The following NLGN1 variants were observed in gnomAD, a reference collection of about 807,000 sequenced individuals.
The protein encoded by NLGN1 is neuroligin 1, also known as neuroligin-1.
NLGN1 carries 12 observed loss-of-function variants against 65.5 expected under a neutral mutation model. The ratio of observed to expected loss-of-function variants is 0.18; its 90% CI spans 0.12 to 0.30. The LOEUF is 0.30. Among genes scored for constraint, NLGN1 ranks in the 10% least tolerant of loss-of-function variants. NLGN1 has a pLI of 1.00. For synonymous variants in NLGN1, 350 were observed against 359.5 expected (o/e 0.97, Z 0.30); for missense variants, 750 against 1,007.1 (o/e 0.74, Z 3.46).
intron 4 of NLGN1, among the ~76,000 whole-genome samples, chr3:174,167,591 C>A (rs1727738800): frequency 7.3e-6 from 1 of 136,134 alleles, no homozygotes; most frequent in South Asian, 2.2e-4. Flanking sequence ...GTGATCTGCC[C>A]CCTTTTTTTT....
intron 2 of NLGN1, among the ~76,000 whole-genome samples, chr3:173,499,680 C>T (rs186335399): frequency 5.3e-5 from 8 of 151,424 alleles, no homozygotes; most frequent in African/African-American, 1.2e-4. Context: ...TTTCTTCCTA[C>T]CCATGAGCAT....
Position 173,741,922 on chromosome 3 carries a change from C to A in NLGN1, c.494-65758C>A, listed in dbSNP as rs568627315. ...AACAGAATGTGTTCATACACTGCGT[C>A]CCCGTAATGTACGCTCCTTTGTTGG... is the stretch of plus-strand genomic sequence containing the variant. On this transcript the variant is annotated intron_variant, in intron 3 of 6. Transcript: ENST00000457714. Among the ~76,000 whole-genome samples the A allele has an allele frequency of 5.3e-5, 8 of 152,264 alleles. No individual in the cohort carries two copies. The South Asian group carries it at 1.0e-3, about 20-fold the overall frequency.
At chr3:173,903,953 T>G (rs954357854) in intron 4 of NLGN1, among the ~76,000 whole-genome samples, 11 of 148,306 alleles carry the variant, frequency 7.4e-5, no homozygotes, top group Admixed American at 4.7e-4. Context: ...AAGGCTCTTC[T>G]TTTTTTTTTC....
intron 4 of NLGN1, among the ~76,000 whole-genome samples, chr3:174,265,288 G>T (rs556460633): frequency 1.3e-5 from 2 of 151,658 alleles, no homozygotes; most frequent in Non-Finnish European, 1.5e-5. Context: ...CCTCGCTGCC[G>T]CCTTGCAGTT....
intron 1 of NLGN1, among the ~76,000 whole-genome samples, chr3:173,398,854 A>T (rs1560197820): frequency 6.6e-6 from 1 of 152,222 alleles, no homozygotes; most frequent in Non-Finnish European, 1.5e-5. Flanking sequence ...GTCATGCTGT[A>T]CATGAAAATT....
intron 3 of NLGN1, among the ~76,000 whole-genome samples, chr3:173,726,278 T>A (rs1161437920): frequency 6.6e-6 from 1 of 151,812 alleles, no homozygotes; most frequent in African/African-American, 2.4e-5. Context: ...TCATCTTGGT[T>A]ATGAAATAAG....
chr3:173,429,982 A>C (rs1223971805), intron 1 of NLGN1, among the ~76,000 whole-genome samples: 4 of 152,164 alleles, frequency 2.6e-5, no homozygotes, highest in Admixed American at 2.6e-4. Flanking sequence ...CCTCTGCTTT[A>C]TGCCTCTAGT....
intron 4 of NLGN1, among the ~76,000 whole-genome samples, chr3:173,894,101 TACA>T (rs1300670190): frequency 2.0e-5 from 3 of 152,218 alleles, no homozygotes; most frequent in Non-Finnish European, 4.4e-5. Flanking sequence ...TTCTCTTTTA[TACA>T]ACTTGGGCTT....
At chr3:174,141,917 T>C (rs766621612) in intron 4 of NLGN1, among the ~76,000 whole-genome samples, 4 of 152,226 alleles carry the variant, frequency 2.6e-5, no homozygotes, top group Non-Finnish European at 5.9e-5. Flanking sequence ...ACTACATTTA[T>C]ATTATTTATT....
At chr3:173,629,740 C>T (rs1448924173) in intron 3 of NLGN1, among the ~76,000 whole-genome samples, 1 of 151,982 alleles carries the variant, frequency 6.6e-6, no homozygotes, top group Non-Finnish European at 1.5e-5. Flanking sequence ...AGCTCCTTGA[C>T]ACCTTGTTTA....
intron 1 of NLGN1, among the ~76,000 whole-genome samples, chr3:173,411,876 T>G (rs931383549): frequency 6.6e-6 from 1 of 152,090 alleles, no homozygotes; most frequent in Non-Finnish European, 1.5e-5. Context: ...TACACACTTT[T>G]GTTTCAAGCA....
At chr3:173,909,228 A>C (rs1021994100) in intron 4 of NLGN1, among the ~76,000 whole-genome samples, 3 of 152,292 alleles carry the variant, frequency 2.0e-5, no homozygotes, top group Non-Finnish European at 4.4e-5. Context: ...GTTAAGATAA[A>C]AAAAAAGCCC....
At chr3:173,539,055 A>C (rs1171640207) in intron 2 of NLGN1, among the ~76,000 whole-genome samples, 2 of 152,106 alleles carry the variant, frequency 1.3e-5, no homozygotes, top group Non-Finnish European at 2.9e-5. Flanking sequence ...AGAAAAGTGA[A>C]CATCAGATGA....
At chr3:173,635,354 C>T (rs979221760) in intron 3 of NLGN1, among the ~76,000 whole-genome samples, 11 of 152,102 alleles carry the variant, frequency 7.2e-5, no homozygotes, top group African/African-American at 2.7e-4. Flanking sequence ...CTCCTGTTTG[C>T]TGCATTAATT....
At chr3:173,655,754 AT>A (rs1759906469) in intron 3 of NLGN1, among the ~76,000 whole-genome samples, 1 of 118,712 alleles carries the variant, frequency 8.4e-6, no homozygotes, top group African/African-American at 3.9e-5. Context: ...GACAGTTAAA[AT>A]TAAAAAAAAA....
chr3:173,543,547 A>G (rs1453089166), intron 2 of NLGN1, among the ~76,000 whole-genome samples: 1 of 152,254 alleles, frequency 6.6e-6, no homozygotes, highest in East Asian at 1.9e-4. Context: ...TGAAAAGTTT[A>G]TCAGAAGATA....
At chr3:173,826,458 T>C (rs757987871) in intron 4 of NLGN1, among the ~76,000 whole-genome samples, 1 of 152,190 alleles carries the variant, frequency 6.6e-6, no homozygotes, top group South Asian at 2.1e-4. Flanking sequence ...ATAGATCGTG[T>C]CATGAGCGTT....
intron 2 of NLGN1, among the ~76,000 whole-genome samples, chr3:173,442,535 C>T (rs970728892): frequency 6.6e-6 from 1 of 152,020 alleles, no homozygotes; most frequent in African/African-American, 2.4e-5. Flanking sequence ...ACTTTGTTAG[C>T]ATATAAATGA....
intron 4 of NLGN1, among the ~76,000 whole-genome samples, chr3:174,247,646 A>G (rs1245007118): frequency 6.6e-6 from 1 of 152,190 alleles, no homozygotes; most frequent in East Asian, 1.9e-4. Context: ...AGCTGGACCA[A>G]CTTGCATTCA....
Sources: gnomAD v4.1 joint callset for allele counts (sites outside exome capture counted in the v4.1 genomes callset) on GRCh38, gnomAD v4.1.1 for gene constraint, MANE v1.5 for transcripts, NCBI Gene and HGNC (gene_info 2026-07-23, HGNC 2026-07-21) for gene names.